Variants in VIT observed in about 807,000 individuals in gnomAD.
The protein encoded by VIT is vitrin.
VIT carries 99 observed loss-of-function variants against 78.0 expected under a neutral mutation model. That is an observed-to-expected ratio of 1.27 (90% confidence interval 1.08 to 1.50). The LOEUF (loss-of-function observed/expected upper bound fraction) is 1.50, where lower values mean the gene tolerates loss of function less well. Among genes scored for constraint, VIT ranks in the 40% most tolerant of loss-of-function variants. The pLI is 0.00. For missense variants in VIT, 1,126 were observed against 875.3 expected (o/e 1.29, Z -3.61); for synonymous variants, 374 against 334.3 (o/e 1.12, Z -1.29).
intron 12 of VIT, among the ~76,000 whole-genome samples, chr2:36,790,360 C>T (rs1006669886): frequency 1.3e-5 from 2 of 152,194 alleles, no homozygotes; most frequent in African/African-American, 4.8e-5. Flanking sequence ...GACCAGCATC[C>T]TCTGCCGGGC....
Position 36,814,178 on chromosome 2 carries a change from C to G in VIT, c.1904-5C>G. ...CATTTGTTCATCTAACCTTTGTCCC[C>G]ACAGGAGTGATCACCTATGCGATAG... On this transcript the variant is annotated splice_polypyrimidine_tract_variant and splice_region_variant and intron_variant, in intron 15 of 15. Transcript: ENST00000379242. 6.2e-7 allele frequency: 1 copy of G among 1,614,110 alleles called. No individual in the cohort carries two copies. Among genetic ancestry groups the G allele is most frequent in the East Asian group, 2.2e-5 (1 of 44,882 alleles).
chr2:36,706,871 T>C (rs1484213318), intron 1 of VIT, among the ~76,000 whole-genome samples: 2 of 152,312 alleles, frequency 1.3e-5, no homozygotes, highest in East Asian at 1.9e-4. Flanking sequence ...CATTTGAAAC[T>C]TACAGTGACA....
rs145779710 is a variant in VIT, at chr2:36,808,701, T to G, written c.1619T>G (p.Phe540Cys). 183 of 1,614,190 alleles carry G rather than the reference T, an allele frequency of 1.1e-4. No homozygotes were observed. Among genetic ancestry groups the G allele is most frequent in the Non-Finnish European group, 1.5e-4 (177 of 1,180,024 alleles). Reference sequence around the variant, plus strand: ...TTTGTGACCAACCTCACCAAAGAGTTTGAGATTTCCGACACGGACACGCGC... The same window carrying G: ...TTTGTGACCAACCTCACCAAAGAGTGTGAGATTTCCGACACGGACACGCGC... The part of the protein sequence containing the change: ...LQFVTNLTKE[F>C]EISDTDTRIG... Residue 540 changes from phenylalanine (F) to cysteine (C), a missense_variant, in exon 15 of 16, where the codon TTT (phenylalanine) becomes TGT (cysteine). Physicochemically the swap from Phe to Cys is radical, Grantham distance 205. Coordinates refer to ENST00000379242, the MANE Select transcript of VIT (RefSeq NM_053276.4).
chr2:36,775,127 A>G (rs1479630462), intron 9 of VIT, 60 bp downstream of exon 9: 49 of 1,593,010 alleles, frequency 3.1e-5, no homozygotes, highest in Non-Finnish European at 4.2e-5. Context: ...GGCACTTTGC[A>G]AACATGAGGA....
At chr2:36,779,173 T>C (rs948194989) in intron 9 of VIT, among the ~76,000 whole-genome samples, 3 of 152,204 alleles carry the variant, frequency 2.0e-5, no homozygotes, top group African/African-American at 7.2e-5. Flanking sequence ...TACCCCGAGG[T>C]GCTGAAGCGA....
At chr2:36,806,710 C>T (rs750437541) in intron 14 of VIT, among the ~76,000 whole-genome samples, 1 of 152,114 alleles carries the variant, frequency 6.6e-6, no homozygotes, top group Non-Finnish European at 1.5e-5. Flanking sequence ...CCACGCCCAG[C>T]TAGTTTTTTT....
chr2:36,750,582 G>A (rs765457567), intron 4 of VIT, among the ~76,000 whole-genome samples: 93 of 152,080 alleles, frequency 6.1e-4, no homozygotes, highest in Non-Finnish European at 7.8e-4. Flanking sequence ...CAGCACTTTG[G>A]GAGGCCAAGA....
At position 36,764,377 on chromosome 2, in the gene VIT, C is replaced by T. The variant is rs139229853; in HGVS notation, c.488-2717C>T. Reference sequence around the variant, plus strand: ...GCATCTCCGTAAGGAGGCAATAATGCCTGGTAGCATTACCAGAGGGTAAGA... The same window carrying T: ...GCATCTCCGTAAGGAGGCAATAATGTCTGGTAGCATTACCAGAGGGTAAGA... On this transcript the variant is annotated intron_variant, in intron 6 of 15. Coordinates refer to ENST00000379242, the MANE Select transcript of VIT (RefSeq NM_053276.4). 2.9e-3 allele frequency among the ~76,000 whole-genome samples: 448 copies of T among 152,294 alleles called. 5 individuals are homozygous for T. The highest frequency in any genetic ancestry group is 0.01 in the African/African-American group (428 of 41,568).
intron 6 of VIT, chr2:36,759,627 C>G (rs1175233262): frequency 1.0e-6 from 1 of 992,138 alleles, no homozygotes; most frequent in Non-Finnish European, 1.2e-6. Flanking sequence ...TATTGTATCT[C>G]CAGAGGTGTT....
intron 2 of VIT, among the ~76,000 whole-genome samples, chr2:36,724,662 C>T (rs1057284403): frequency 3.3e-5 from 5 of 152,142 alleles, no homozygotes; most frequent in East Asian, 3.9e-4. Flanking sequence ...CTATTTGTGC[C>T]ATCGAAGATA....
intron 12 of VIT, chr2:36,787,775 C>G (rs1349027439): frequency 2.2e-6 from 1 of 448,600 alleles, no homozygotes; most frequent in South Asian, 1.6e-5. Context: ...TCTCTTTTCT[C>G]CAAATAACCT....
chr2:36,737,344 A>T (rs1455502966), intron 3 of VIT, among the ~76,000 whole-genome samples: 1 of 152,208 alleles, frequency 6.6e-6, no homozygotes, highest in African/African-American at 2.4e-5. Context: ...GGCAACACCA[A>T]TCTGAGAAGC....
chr2:36,745,085 A>G (rs1396049194), intron 4 of VIT, among the ~76,000 whole-genome samples: 3 of 152,056 alleles, frequency 2.0e-5, no homozygotes, highest in South Asian at 2.1e-4. Context: ...TCCTTTCCCT[A>G]TTGCTTATTT....
chr2:36,796,484 T>A (rs1408154585), intron 12 of VIT, among the ~76,000 whole-genome samples: 1 of 152,172 alleles, frequency 6.6e-6, no homozygotes, highest in Admixed American at 6.5e-5. Flanking sequence ...GCTGTGTATG[T>A]GGTAGGGGAA....
At chr2:36,744,401 C>T (rs1381141394) in intron 4 of VIT, among the ~76,000 whole-genome samples, 1 of 152,214 alleles carries the variant, frequency 6.6e-6, no homozygotes, top group Admixed American at 6.5e-5. Flanking sequence ...AATCTCCAAA[C>T]TGCTCTCCAC....
chr2:36,703,919 G>T (rs10460524), intron 1 of VIT, among the ~76,000 whole-genome samples: 311 of 18,858 alleles, frequency 0.016, 37 homozygotes, highest in African/African-American at 0.021. Context: ...GTTTTTTTTT[G>T]TTTGTTTTTT....
chr2:36,809,410 C>G (rs1484743774), intron 15 of VIT, among the ~76,000 whole-genome samples: 3 of 152,002 alleles, frequency 2.0e-5, no homozygotes, highest in African/African-American at 7.2e-5. Flanking sequence ...GTGTTAGTAA[C>G]TTTTATTTAT....
At chr2:36,713,739 G>A (rs998509425) in intron 1 of VIT, among the ~76,000 whole-genome samples, 1 of 152,164 alleles carries the variant, frequency 6.6e-6, no homozygotes, top group Non-Finnish European at 1.5e-5. Context: ...AGAGCACGTG[G>A]GGTGTAAGAG....
intron 6 of VIT, among the ~76,000 whole-genome samples, chr2:36,765,389 C>A (rs1669359334): frequency 6.8e-6 from 1 of 146,486 alleles, no homozygotes; most frequent in Non-Finnish European, 1.5e-5. Context: ...GAAGGGGAAG[C>A]AGGCATGTCT....
Sources: allele counts gnomAD v4.1 joint callset (sites outside exome capture counted in the v4.1 genomes callset), GRCh38; gene constraint gnomAD v4.1.1; transcripts MANE v1.5; gene names NCBI Gene and HGNC (gene_info 2026-07-23, HGNC 2026-07-21).